The following PRKD1 variants were observed in gnomAD, a reference collection of about 807,000 sequenced individuals.
PRKD1 encodes the protein protein kinase D1, also known as serine/threonine-protein kinase D1.
In PRKD1, 63 loss-of-function variants were observed where a neutral mutation model predicts 95.9. That is an observed-to-expected ratio of 0.66 (90% CI 0.54 to 0.81). The LOEUF (loss-of-function observed/expected upper bound fraction) is 0.81. PRKD1 is among the 30% of genes least tolerant of loss of function. PRKD1 has a pLI of 0.00. For missense variants in PRKD1, 1,048 were observed against 1,165.3 expected (o/e 0.90, Z 1.47); for synonymous variants, 425 against 423.1 (o/e 1.00, Z -0.05).
At chr14:29,666,234 T>G (rs762812125) in intron 2 of PRKD1, 26 bp from the exon 3 acceptor site, 3 of 1,571,956 alleles carry the variant, frequency 1.9e-6, no homozygotes, top group Non-Finnish European at 2.6e-6. Context: ...TGTTGAAAAG[T>G]AAGTTGAATA....
intron 1 of PRKD1, among the ~76,000 whole-genome samples, chr14:29,763,203 G>A (rs2139120422): frequency 6.9e-6 from 1 of 144,928 alleles, no homozygotes; most frequent in East Asian, 2.0e-4. Context: ...AAGCTGAGTT[G>A]GGGGAAACGG....
At chr14:29,885,830 A>AAAAAAAAG (rs71108502) in intron 1 of PRKD1, among the ~76,000 whole-genome samples, 10 of 146,636 alleles carry the variant, frequency 6.8e-5, no homozygotes, top group Non-Finnish European at 1.2e-4. Flanking sequence ...AAAAAAAAAA[A>AAAAAAAAG]TAGCCAGGCG....
At chr14:29,820,208 C>G (rs1200973814) in intron 1 of PRKD1, among the ~76,000 whole-genome samples, 1 of 152,174 alleles carries the variant, frequency 6.6e-6, no homozygotes, top group Non-Finnish European at 1.5e-5. Context: ...CTGGCTACTA[C>G]CCGGGTGGTC....
intron 1 of PRKD1, among the ~76,000 whole-genome samples, chr14:29,858,724 T>A (rs117357882): frequency 0.014 from 2,173 of 152,294 alleles, 14 homozygotes; most frequent in Non-Finnish European, 0.024. Context: ...TGCTCTTTTT[T>A]AAGTACCTTA....
At chr14:29,784,348 T>G (rs2139176559) in intron 1 of PRKD1, among the ~76,000 whole-genome samples, 1 of 152,316 alleles carries the variant, frequency 6.6e-6, no homozygotes, top group Non-Finnish European at 1.5e-5. Flanking sequence ...TTTGTTCTTT[T>G]TGCTCAGTAC....
chr14:29,599,845 G>T, intron 13 of PRKD1, 28 bp from the exon 14 acceptor site: 1 of 1,587,724 alleles, frequency 6.3e-7, no homozygotes, highest in Non-Finnish European at 8.6e-7. Context: ...AGCACTTGAA[G>T]AAAATGAGTT....
chr14:29,922,012 T>C (rs1895130047), intron 1 of PRKD1, among the ~76,000 whole-genome samples: 1 of 152,088 alleles, frequency 6.6e-6, no homozygotes, highest in African/African-American at 2.4e-5. Context: ...TTTAAAAAGG[T>C]TTATAAGTCT....
At chr14:29,812,202 T>C (rs1296405468) in intron 1 of PRKD1, among the ~76,000 whole-genome samples, 2 of 152,202 alleles carry the variant, frequency 1.3e-5, no homozygotes, top group Admixed American at 6.5e-5. Context: ...CTTTGTATTA[T>C]GTCTTACAAC....
chr14:29,845,001 C>G (rs1238237147), intron 1 of PRKD1, among the ~76,000 whole-genome samples: 1 of 152,202 alleles, frequency 6.6e-6, no homozygotes, highest in Non-Finnish European at 1.5e-5. Flanking sequence ...CAAGGAAATA[C>G]AGTCTTTACA....
chr14:29,897,403 T>C (rs1266479965), intron 1 of PRKD1, among the ~76,000 whole-genome samples: 1 of 152,166 alleles, frequency 6.6e-6, no homozygotes, highest in Non-Finnish European at 1.5e-5. Flanking sequence ...TTCCTGCACA[T>C]ATAATAACAC....
chr14:29,639,928 T>C (rs1880652793), intron 4 of PRKD1, among the ~76,000 whole-genome samples: 1 of 152,202 alleles, frequency 6.6e-6, no homozygotes, highest in Non-Finnish European at 1.5e-5. Context: ...ATGTTTTCTA[T>C]GTTTTTGGAT....
At chr14:29,868,728 G>C (rs1892997619) in intron 1 of PRKD1, among the ~76,000 whole-genome samples, 1 of 152,138 alleles carries the variant, frequency 6.6e-6, no homozygotes, top group Non-Finnish European at 1.5e-5. Context: ...AGCAAAAATT[G>C]ATAGATTATT....
intron 1 of PRKD1, among the ~76,000 whole-genome samples, chr14:29,798,207 T>C (rs1323589340): frequency 1.3e-5 from 2 of 152,244 alleles, no homozygotes; most frequent in Admixed American, 6.5e-5. Flanking sequence ...TTTGCCCCTA[T>C]ATTTTTTTCT....
chr14:29,666,031 A>C, intron 3 of PRKD1, 46 bp downstream of exon 3: 1 of 1,537,852 alleles, frequency 6.5e-7, no homozygotes, highest in South Asian at 1.3e-5. Context: ...CGATAAACAC[A>C]GGAGAACAGC....
intron 4 of PRKD1, among the ~76,000 whole-genome samples, chr14:29,640,895 A>T (rs1282644497): frequency 6.6e-6 from 1 of 152,194 alleles, no homozygotes; most frequent in Non-Finnish European, 1.5e-5. Flanking sequence ...GGCTGTGCTA[A>T]CAGAGCCAGT....
chr14:29,922,100 G>A (rs1381573167), intron 1 of PRKD1, among the ~76,000 whole-genome samples: 2 of 151,910 alleles, frequency 1.3e-5, no homozygotes, highest in Non-Finnish European at 2.9e-5. Context: ...AGGAGATCGA[G>A]ACCATCCTGG....
chr14:29,806,636 T>C (rs2139231917), intron 1 of PRKD1, among the ~76,000 whole-genome samples: 1 of 152,282 alleles, frequency 6.6e-6, no homozygotes, highest in East Asian at 1.9e-4. Flanking sequence ...AAAACTAACC[T>C]TGCAAACTCC....
chr14:29,913,595 T>A (rs909893362), intron 1 of PRKD1, among the ~76,000 whole-genome samples: 3 of 152,224 alleles, frequency 2.0e-5, no homozygotes, highest in Non-Finnish European at 4.4e-5. Context: ...TCTTCAAAAA[T>A]GTATGGAAGC....
At chr14:29,777,965 A>C (rs1300088858) in intron 1 of PRKD1, among the ~76,000 whole-genome samples, 2 of 152,232 alleles carry the variant, frequency 1.3e-5, no homozygotes, top group Non-Finnish European at 1.5e-5. Flanking sequence ...CAGTGCAATC[A>C]AACTAGAACT....
Sources: gnomAD v4.1 joint callset for allele counts (sites outside exome capture counted in the v4.1 genomes callset) on GRCh38, gnomAD v4.1.1 for gene constraint, MANE v1.5 for transcripts, NCBI Gene and HGNC (gene_info 2026-07-23, HGNC 2026-07-21) for gene names.